PDE4B: variants seen among roughly 807,000 people sequenced by gnomAD.
PDE4B encodes the protein phosphodiesterase 4B, also known as 3',5'-cyclic-AMP phosphodiesterase 4B.
A neutral mutation model predicts 82.2 loss-of-function variants in PDE4B; 20 were observed. That is an observed-to-expected ratio of 0.24 (90% CI 0.17 to 0.35). The LOEUF (loss-of-function observed/expected upper bound fraction) is 0.35. PDE4B is among the 10% of genes least tolerant of loss of function. The probability of loss-of-function intolerance (pLI) is 1.00; values close to 1 mark genes in which losing one functional copy is unlikely to be tolerated. For synonymous variants in PDE4B, 320 were observed against 318.9 expected, an observed-to-expected ratio of 1.00 and a Z score of -0.04; for missense variants, 655 against 907.2, an observed-to-expected ratio of 0.72 and a Z score of 3.57.
At chr1:65,812,735 C>G (rs1645834184) in intron 1 of PDE4B, among the ~76,000 whole-genome samples, 1 of 152,140 alleles carries the variant, frequency 6.6e-6, no homozygotes, top group Non-Finnish European at 1.5e-5. Flanking sequence ...CTGTCTCAGC[C>G]TCCTATATGA....
At chr1:66,156,603 C>A (rs1401504323) in intron 3 of PDE4B, among the ~76,000 whole-genome samples, 3 of 151,696 alleles carry the variant, frequency 2.0e-5, no homozygotes, top group South Asian at 2.1e-4. Context: ...AAAAAAAAAA[C>A]AAACAAACCT....
intron 3 of PDE4B, among the ~76,000 whole-genome samples, chr1:65,998,853 A>G (rs1651700740): frequency 6.6e-6 from 1 of 150,464 alleles, no homozygotes; most frequent in Non-Finnish European, 1.5e-5. Context: ...CTTTAAGTGC[A>G]GACTCCTAGT....
chr1:66,246,106 A>G (rs1653291337), intron 3 of PDE4B, among the ~76,000 whole-genome samples: 1 of 152,218 alleles, frequency 6.6e-6, no homozygotes, highest in South Asian at 2.1e-4. Context: ...TTGTAAAGAA[A>G]TTAGTTGCAA....
At chr1:65,833,792 A>AT (rs1182211729) in intron 1 of PDE4B, among the ~76,000 whole-genome samples, 1 of 152,210 alleles carries the variant, frequency 6.6e-6, no homozygotes, top group Non-Finnish European at 1.5e-5. Flanking sequence ...ATTTTCAGAA[A>AT]TTTTTTGAGT....
At chr1:66,107,239 T>G (rs1054014349) in intron 3 of PDE4B, among the ~76,000 whole-genome samples, 3 of 152,248 alleles carry the variant, frequency 2.0e-5, no homozygotes, top group East Asian at 1.9e-4. Context: ...TCCATGTAGT[T>G]GAGCGGTTTT....
At chr1:65,837,606 T>TCAAAAA (rs1646154837) in intron 1 of PDE4B, among the ~76,000 whole-genome samples, 1 of 152,200 alleles carries the variant, frequency 6.6e-6, no homozygotes, top group Admixed American at 6.5e-5. Flanking sequence ...AGACTCCATC[T>TCAAAAA]CAAAAACAAA....
chr1:66,022,319 G>T (rs566907320), intron 3 of PDE4B, among the ~76,000 whole-genome samples: 1 of 152,172 alleles, frequency 6.6e-6, no homozygotes, highest in African/African-American at 2.4e-5. Flanking sequence ...TTGCCTGATT[G>T]CCCTGGCCAG....
intron 3 of PDE4B, among the ~76,000 whole-genome samples, chr1:66,240,563 T>C (rs1652811986): frequency 6.6e-6 from 1 of 152,228 alleles, no homozygotes; most frequent in Non-Finnish European, 1.5e-5. Context: ...TTTGTCTCTA[T>C]CACACTACTA....
At chr1:65,948,797 G>A (rs1478720187) in intron 3 of PDE4B, among the ~76,000 whole-genome samples, 1 of 152,024 alleles carries the variant, frequency 6.6e-6, no homozygotes, top group Non-Finnish European at 1.5e-5. Flanking sequence ...TTGATCGATG[G>A]TGTTGCAACA....
intron 6 of PDE4B, among the ~76,000 whole-genome samples, chr1:66,264,971 C>A (rs1310933715): frequency 6.6e-6 from 1 of 152,226 alleles, no homozygotes; most frequent in African/African-American, 2.4e-5. Flanking sequence ...GAGTCGGCTG[C>A]GTATCCATGT....
chr1:66,270,064 C>G (rs1190537818), intron 7 of PDE4B, among the ~76,000 whole-genome samples: 1 of 152,110 alleles, frequency 6.6e-6, no homozygotes, highest in Non-Finnish European at 1.5e-5. Flanking sequence ...GAAATGACAG[C>G]AAACCATAGC....
chr1:66,205,106 T>A (rs1228733640), intron 3 of PDE4B, among the ~76,000 whole-genome samples: 4 of 152,198 alleles, frequency 2.6e-5, no homozygotes, highest in Non-Finnish European at 4.4e-5. Flanking sequence ...AGAGAAAAAC[T>A]TAAGCATTAT....
chr1:66,099,846 G>T (rs1645187045), intron 3 of PDE4B, among the ~76,000 whole-genome samples: 1 of 152,080 alleles, frequency 6.6e-6, no homozygotes, highest in African/African-American at 2.4e-5. Flanking sequence ...GATTCAGTCA[G>T]AACAGATTGC....
chr1:66,094,262 C>T (rs924967877), intron 3 of PDE4B, among the ~76,000 whole-genome samples: 20 of 151,968 alleles, frequency 1.3e-4, no homozygotes, highest in African/African-American at 4.8e-4. Flanking sequence ...GGAGAAATGA[C>T]TGCGCTTCAG....
chr1:66,358,125 G>A (rs187118643), intron 9 of PDE4B, among the ~76,000 whole-genome samples: 7 of 152,214 alleles, frequency 4.6e-5, no homozygotes, highest in Admixed American at 3.9e-4. Flanking sequence ...TCATTTTATA[G>A]GAGAGAAAAC....
chr1:66,206,733 C>T (rs1018409200), intron 3 of PDE4B, among the ~76,000 whole-genome samples: 11 of 152,066 alleles, frequency 7.2e-5, no homozygotes, highest in Admixed American at 1.3e-4. Context: ...CTTGAGTGGA[C>T]GTGGGCAGCC....
intron 13 of PDE4B, among the ~76,000 whole-genome samples, chr1:66,367,089 A>G (rs998108347): frequency 2.0e-5 from 3 of 152,186 alleles, no homozygotes; most frequent in Admixed American, 2.0e-4. Flanking sequence ...AGATATTGCA[A>G]TTTCTGGTGG....
intron 3 of PDE4B, among the ~76,000 whole-genome samples, chr1:66,012,220 G>T (rs1220734171): frequency 6.6e-6 from 1 of 151,996 alleles, no homozygotes; most frequent in African/African-American, 2.4e-5. Flanking sequence ...TTCTGGTTTT[G>T]CAGTAGCATA....
chr1:66,023,775 G>C (rs576850100), intron 3 of PDE4B, among the ~76,000 whole-genome samples: 1 of 152,210 alleles, frequency 6.6e-6, no homozygotes, highest in African/African-American at 2.4e-5. Flanking sequence ...ATAAGATATA[G>C]TGTAAACTTA....
Sources: allele counts gnomAD v4.1 joint callset (sites outside exome capture counted in the v4.1 genomes callset), GRCh38; gene constraint gnomAD v4.1.1; transcripts MANE v1.5; gene names NCBI Gene and HGNC (gene_info 2026-07-23, HGNC 2026-07-21).